CTSO: variants seen among roughly 807,000 people sequenced by gnomAD.
CTSO encodes the protein cathepsin O.
CTSO carries 40 observed loss-of-function variants against 42.4 expected under a neutral mutation model. The observed-to-expected ratio is 0.94, with a 90% confidence interval of 0.73 to 1.23. The LOEUF (loss-of-function observed/expected upper bound fraction) is 1.23. CTSO is among the 50% of genes most tolerant of loss of function. The pLI is 0.00. For synonymous variants in CTSO, 156 were observed against 146.2 expected, an observed-to-expected ratio of 1.07 and a Z score of -0.48; for missense variants, 441 against 396.0, an observed-to-expected ratio of 1.11 and a Z score of -0.96.
rs531848944 is a variant in CTSO at position 155,949,969 on chromosome 4, T to C, written c.135+3744A>G. Among the ~76,000 whole-genome samples the C allele has an allele frequency of 3.3e-5, 5 of 150,642 alleles. No homozygotes were observed. The East Asian group carries it at 8.0e-4, about 24-fold the overall frequency. ...CATTCTCAAATGTCAATAGTGCCAC[T>C]GTTGAGGAGCCTTGGATTAGAACAA... On this transcript the variant is annotated intron_variant, in intron 1 of 7. Coordinates refer to ENST00000433477, the MANE Select transcript of CTSO (RefSeq NM_001334.3).
intron 1 of CTSO, among the ~76,000 whole-genome samples, chr4:155,952,939 G>A (rs1252859377): frequency 6.6e-6 from 1 of 152,040 alleles, no homozygotes; most frequent in Non-Finnish European, 1.5e-5. Context: ...AACATAGTGA[G>A]GCGAACACTA....
At chr4:155,947,138 G>T (rs937622647) in intron 1 of CTSO, among the ~76,000 whole-genome samples, 2 of 152,174 alleles carry the variant, frequency 1.3e-5, no homozygotes, top group Non-Finnish European at 2.9e-5. Context: ...GGGATCACAG[G>T]CATGAGCCAC....
At chr4:155,942,605 A>G (rs961246647) in intron 2 of CTSO, 149 bp from the exon 3 acceptor site, 1 of 276,274 alleles carries the variant, frequency 3.6e-6, no homozygotes, top group African/African-American at 2.3e-5. Context: ...AACCAATATT[A>G]TATTATATTA....
At chr4:155,935,195 C>T (rs557425707) in intron 5 of CTSO, among the ~76,000 whole-genome samples, 5 of 152,278 alleles carry the variant, frequency 3.3e-5, no homozygotes, top group Admixed American at 2.0e-4. Context: ...CTTGCTGCCG[C>T]CACGTAAGTA....
At chr4:155,932,873 G>T (rs1743260377) in intron 5 of CTSO, among the ~76,000 whole-genome samples, 1 of 152,074 alleles carries the variant, frequency 6.6e-6, no homozygotes, top group African/African-American at 2.4e-5. Flanking sequence ...TCCTGTCTTA[G>T]ACTTTCAAGT....
At chr4:155,933,384 T>C (rs1389334938) in intron 5 of CTSO, among the ~76,000 whole-genome samples, 2 of 152,124 alleles carry the variant, frequency 1.3e-5, no homozygotes, top group African/African-American at 4.8e-5. Context: ...CAATTAAACC[T>C]TTCTCTTCCC....
chr4:155,953,744 C>A lies in CTSO; in HGVS notation c.104G>T (p.Arg35Leu). ...SRAPFTPTWP[R>L]SREREAAAFR... The stretch of plus-strand genomic sequence containing the variant: ...GGCGGCGGCTTCACGCTCGCGGCTC[C>A]GCGGCCAGGTCGGGGTGAAGGGGGC... Residue 35 changes from arginine to leucine, a missense_variant, in exon 1 of 8, where the codon CGG becomes CTG. By Grantham distance (102) the Arg-to-Leu change is moderately radical (BLOSUM62 -2). Transcript: ENST00000433477. The A allele has an allele frequency of 4.7e-6, 6 of 1,279,640 alleles. No homozygotes were observed. The highest frequency in any genetic ancestry group is 5.9e-6 in the Non-Finnish European group (6 of 1,013,662). The allele number at this position is 1,279,640 out of a possible 1,614,324, so 79.3% of individuals were successfully genotyped here. A position where few individuals can be genotyped will look rare whatever the true frequency, so the allele number is the denominator to read the frequency against.
chr4:155,939,296 CTG>C (rs1743385417), intron 4 of CTSO, 73 bp downstream of exon 4: 5 of 1,286,904 alleles, frequency 3.9e-6, no homozygotes, highest in Non-Finnish European at 5.3e-6. Context: ...TGTGAACAAA[CTG>C]TTTGAATTTT....
chr4:155,950,190 T>C (rs1579350493), intron 1 of CTSO, among the ~76,000 whole-genome samples: 2 of 152,370 alleles, frequency 1.3e-5, no homozygotes, highest in South Asian at 4.1e-4. Context: ...TACATTCTTT[T>C]GTGAACTACT....
chr4:155,940,708 T>C (rs1268607454), intron 3 of CTSO, among the ~76,000 whole-genome samples: 1 of 152,018 alleles, frequency 6.6e-6, no homozygotes, highest in Non-Finnish European at 1.5e-5. Flanking sequence ...CCAGGCATGG[T>C]GGTGCGCACC....
intron 6 of CTSO, among the ~76,000 whole-genome samples, chr4:155,928,743 A>G (rs115718828): frequency 0.017 from 2,658 of 152,320 alleles, 75 homozygotes; most frequent in African/African-American, 0.06. Flanking sequence ...ACGTATGATA[A>G]AATAATATGC....
chr4:155,951,024 G>T (rs1482844266), intron 1 of CTSO, among the ~76,000 whole-genome samples: 1 of 152,048 alleles, frequency 6.6e-6, no homozygotes, highest in Non-Finnish European at 1.5e-5. Flanking sequence ...GCACATATAA[G>T]TGGCTCATTA....
intron 2 of CTSO, among the ~76,000 whole-genome samples, chr4:155,942,759 G>T (rs1743464595): frequency 6.6e-6 from 1 of 151,894 alleles, no homozygotes; most frequent in Admixed American, 6.6e-5. Flanking sequence ...CTACAATAAG[G>T]CTGGAGTTGA....
intron 7 of CTSO, among the ~76,000 whole-genome samples, chr4:155,927,541 G>A (rs1252852793): frequency 6.6e-6 from 1 of 152,160 alleles, no homozygotes; most frequent in African/African-American, 2.4e-5. Context: ...AGGCCAAGGA[G>A]GGCAGATCAC....
intron 3 of CTSO, among the ~76,000 whole-genome samples, chr4:155,940,649 C>T (rs547062373): frequency 1.1e-4 from 17 of 152,174 alleles, no homozygotes; most frequent in African/African-American, 3.4e-4. Flanking sequence ...TCAAGACCAG[C>T]CTGACCAACA....
intron 4 of CTSO, among the ~76,000 whole-genome samples, chr4:155,938,301 C>A (rs547459564): frequency 3.9e-4 from 59 of 152,310 alleles, no homozygotes; most frequent in Admixed American, 5.2e-4. Flanking sequence ...GGAGGAGACT[C>A]ATAATTCATT....
At chr4:155,930,737 G>A (rs2084996940) in intron 5 of CTSO, among the ~76,000 whole-genome samples, 1 of 152,062 alleles carries the variant, frequency 6.6e-6, no homozygotes, top group Admixed American at 6.6e-5. Context: ...GTCCACAGAG[G>A]AGCAAAAAGT....
chr4:155,943,776 T>G (rs980155453), intron 1 of CTSO, among the ~76,000 whole-genome samples: 1 of 152,178 alleles, frequency 6.6e-6, no homozygotes, highest in Non-Finnish European at 1.5e-5. Flanking sequence ...GATATCTCTA[T>G]CTCATGTAGG....
chr4:155,949,505 C>T (rs985235338), intron 1 of CTSO, among the ~76,000 whole-genome samples: 1 of 152,142 alleles, frequency 6.6e-6, no homozygotes. Flanking sequence ...TTAACAGAGA[C>T]ACCTAAGGTA....
Sources: gnomAD v4.1 joint callset for allele counts (sites outside exome capture counted in the v4.1 genomes callset) on GRCh38, gnomAD v4.1.1 for gene constraint, MANE v1.5 for transcripts, NCBI Gene and HGNC (gene_info 2026-07-23, HGNC 2026-07-21) for gene names.